PCDH15: variants seen among roughly 807,000 people sequenced by gnomAD.
PCDH15 encodes protocadherin-15.
PCDH15 carries 129 observed loss-of-function variants against 178.5 expected under a neutral mutation model. That is an observed-to-expected ratio of 0.72 (90% CI 0.63 to 0.84). The LOEUF (loss-of-function observed/expected upper bound fraction) is 0.84. Among genes scored for constraint, PCDH15 ranks in the 40% least tolerant of loss-of-function variants. PCDH15 has a pLI of 0.00. For missense variants in PCDH15, 2,230 were observed against 2,099.9 expected (o/e 1.06, Z -1.21); for synonymous variants, 800 against 732.0 (o/e 1.09, Z -1.50).
At chr10:55,047,431 G>C (rs947639769) in intron 2 of PCDH15, among the ~76,000 whole-genome samples, 24 of 151,638 alleles carry the variant, frequency 1.6e-4, no homozygotes, top group African/African-American at 5.3e-4. Context: ...GAATTAACCA[G>C]ATCAGATTGC....
At chr10:54,102,943 C>A (rs72797031) in intron 15 of PCDH15, among the ~76,000 whole-genome samples, 8,839 of 152,246 alleles carry the variant, frequency 0.058, 341 homozygotes, top group Non-Finnish European at 0.09. Context: ...TCCAGCAGTC[C>A]CCAAAATGAC....
At chr10:54,018,649 C>T (rs1029953711) in intron 20 of PCDH15, among the ~76,000 whole-genome samples, 3 of 152,080 alleles carry the variant, frequency 2.0e-5, no homozygotes, top group African/African-American at 4.8e-5. Context: ...TCAGCTCTTA[C>T]ACATTTTAGC....
At chr10:54,104,167 A>G (rs7083139) in intron 15 of PCDH15, among the ~76,000 whole-genome samples, 90,797 of 152,040 alleles carry the variant, frequency 0.6, 28,029 homozygotes, top group Middle Eastern at 0.69. Flanking sequence ...CTCAGACAAA[A>G]GTGGAAAGGC....
chr10:55,543,155 G>A (rs977758048), intron 2 of PCDH15, among the ~76,000 whole-genome samples: 2 of 148,260 alleles, frequency 1.3e-5, no homozygotes, highest in African/African-American at 5.0e-5. Flanking sequence ...ACAGACATAT[G>A]TATGTGTCTA....
chr10:54,169,075 G>A lies in PCDH15; in HGVS notation c.1590+14369C>T, dbSNP rs185774775. ...CTGGGCCAAGGAATGCCTGCAGCCC[G>A]GGATTCCTCCTAAGCCGCGTCCCAT... On this transcript the variant is annotated intron_variant, in intron 13 of 37. Coordinates refer to ENST00000644397, the MANE Select transcript of PCDH15 (RefSeq NM_001384140.1). Among the ~76,000 whole-genome samples the A allele has an allele frequency of 7.5e-3, 1,129 of 151,140 alleles. 16 individuals are homozygous for A. Among genetic ancestry groups the A allele is most frequent in the African/African-American group, 0.026 (1,050 of 40,626 alleles).
chr10:54,972,521 C>G (rs186282767), intron 2 of PCDH15, among the ~76,000 whole-genome samples: 1 of 149,692 alleles, frequency 6.7e-6, no homozygotes. Flanking sequence ...GACTGGGGGA[C>G]AAGAGCAAGA....
chr10:54,879,968 G>A (rs749485567), intron 3 of PCDH15, among the ~76,000 whole-genome samples: 6 of 151,320 alleles, frequency 4.0e-5, no homozygotes, highest in East Asian at 2.0e-4. Flanking sequence ...TTAGAGATTC[G>A]GCTAAAGTTT....
chr10:55,341,822 T>A (rs867162585), intron 2 of PCDH15, among the ~76,000 whole-genome samples: 176 of 99,968 alleles, frequency 1.8e-3, no homozygotes, highest in South Asian at 4.8e-3. Flanking sequence ...TTTTTTTTTT[T>A]TTTTTTTTTA....
At chr10:54,326,861 T>C (rs1938241187) in intron 7 of PCDH15, among the ~76,000 whole-genome samples, 1 of 152,210 alleles carries the variant, frequency 6.6e-6, no homozygotes, top group African/African-American at 2.4e-5. Context: ...TTAAAAATGC[T>C]TAAAATGTTA....
At chr10:55,477,910 C>T (rs1840095304) in intron 2 of PCDH15, among the ~76,000 whole-genome samples, 1 of 151,780 alleles carries the variant, frequency 6.6e-6, no homozygotes, top group South Asian at 2.1e-4. Context: ...ATAAAACACA[C>T]AAGACCAAAC....
rs565773316 is a variant in PCDH15 at position 53,984,153 on chromosome 10, T to C, written c.2868+11496A>G. On this transcript the variant is annotated intron_variant, in intron 21 of 37. Transcript: ENST00000644397. ...TTTTTTTTCTTTTTTCTTTTCTTTT[T>C]TTTTTTTTTTTTTTGAGGCAGAGTC... is the stretch of plus-strand genomic sequence containing the variant. Among the ~76,000 whole-genome samples, 800 of 133,218 alleles carry C rather than the reference T, an allele frequency of 6.0e-3. 8 individuals carry two copies. The highest frequency in any genetic ancestry group is 0.019 in the African/African-American group (665 of 35,452). The allele number at this position is 133,218 out of a possible 152,430, so 87.4% of individuals were successfully genotyped here.
At chr10:54,934,129 T>G (rs1003779162) in intron 2 of PCDH15, among the ~76,000 whole-genome samples, 1 of 152,168 alleles carries the variant, frequency 6.6e-6, no homozygotes, top group African/African-American at 2.4e-5. Context: ...GTAAATAAAC[T>G]TGTGATTTGA....
At chr10:54,354,114 T>C (rs926358884) in intron 5 of PCDH15, among the ~76,000 whole-genome samples, 3 of 152,178 alleles carry the variant, frequency 2.0e-5, no homozygotes, top group African/African-American at 7.2e-5. Flanking sequence ...GCCTCCCAAG[T>C]AGCTGGGATT....
intron 13 of PCDH15, among the ~76,000 whole-genome samples, chr10:54,163,902 C>T (rs1325912034): frequency 7.9e-5 from 12 of 152,182 alleles, no homozygotes; most frequent in Admixed American, 2.0e-4. Context: ...CTGGGAACTA[C>T]GGACAATCTA....
chr10:54,112,262 A>C (rs1233537376), intron 15 of PCDH15, among the ~76,000 whole-genome samples: 1 of 152,132 alleles, frequency 6.6e-6, no homozygotes, highest in African/African-American at 2.4e-5. Context: ...GAACTGGAAA[A>C]TTCTTTGTTG....
chr10:55,034,038 T>C (rs930706515), intron 2 of PCDH15, among the ~76,000 whole-genome samples: 1 of 151,618 alleles, frequency 6.6e-6, no homozygotes, highest in Non-Finnish European at 1.5e-5. Flanking sequence ...AACCTGTCAG[T>C]TCCTTGATCT....
chr10:54,702,857 G>C (rs1010958774), intron 1 of PCDH15, among the ~76,000 whole-genome samples: 34 of 151,938 alleles, frequency 2.2e-4, no homozygotes, highest in Admixed American at 2.2e-3. Context: ...CTGATTCTAT[G>C]AGTCATGCAT....
intron 13 of PCDH15, among the ~76,000 whole-genome samples, chr10:54,171,762 T>C (rs2046932994): frequency 6.6e-6 from 1 of 152,044 alleles, no homozygotes. Context: ...TTTTTCTCCT[T>C]CTGTTATTCC....
At chr10:55,514,031 A>G (rs910833739) in intron 2 of PCDH15, among the ~76,000 whole-genome samples, 7 of 152,194 alleles carry the variant, frequency 4.6e-5, no homozygotes, top group Non-Finnish European at 1.0e-4. Flanking sequence ...TTCAAAGGCA[A>G]AACAATTTCT....
Sources: allele counts gnomAD v4.1 joint callset (sites outside exome capture counted in the v4.1 genomes callset), GRCh38; gene constraint gnomAD v4.1.1; transcripts MANE v1.5; gene names NCBI Gene and HGNC (gene_info 2026-07-23, HGNC 2026-07-21).